Variants in ASCC3 observed in about 807,000 individuals in gnomAD.
The protein encoded by ASCC3 is ASC-1 complex subunit P200.
Under a neutral mutation model 256.3 loss-of-function variants are expected in ASCC3, and 158 were observed. The ratio of observed to expected loss-of-function variants is 0.62; its 90% CI spans 0.54 to 0.70. ASCC3 has a LOEUF of 0.70. ASCC3 is among the 30% of genes least tolerant of loss of function. The pLI is 0.00. For missense variants in ASCC3, 2,259 were observed against 2,626.0 expected (o/e 0.86, Z 3.05); for synonymous variants, 948 against 883.4 (o/e 1.07, Z -1.30).
intron 30 of ASCC3, among the ~76,000 whole-genome samples, chr6:100,620,363 C>T (rs551790129): frequency 6.6e-6 from 1 of 152,226 alleles, no homozygotes; most frequent in Admixed American, 6.5e-5. Context: ...TTTGGGGTTT[C>T]CTGATGCAGT....
At chr6:100,643,758 C>G (rs1775243980) in intron 23 of ASCC3, among the ~76,000 whole-genome samples, 1 of 152,008 alleles carries the variant, frequency 6.6e-6, no homozygotes, top group Non-Finnish European at 1.5e-5. Flanking sequence ...TATGGGACCA[C>G]TATTGTACTG....
intron 13 of ASCC3, among the ~76,000 whole-genome samples, chr6:100,691,879 T>A (rs1777865912): frequency 6.6e-6 from 1 of 151,682 alleles, no homozygotes; most frequent in African/African-American, 2.4e-5. Flanking sequence ...CTAGATAAAC[T>A]TGGGCAAGTT....
At chr6:100,610,375 A>G (rs1425168906) in intron 30 of ASCC3, among the ~76,000 whole-genome samples, 1 of 152,162 alleles carries the variant, frequency 6.6e-6, no homozygotes, top group Non-Finnish European at 1.5e-5. Context: ...AAATATCCAC[A>G]TAATGAAACA....
rs201585891 is a variant in ASCC3 at position 100,688,274 on chromosome 6, A to AC, written c.2152-8523_2152-8522insG. ...TTAAAGTGGTGGAGTTATTAAAAAA[A>AC]AAAAACAACAACAGGAACTCTTGAT... On this transcript the variant is annotated intron_variant, in intron 13 of 41. Coordinates refer to ENST00000369162, the MANE Select transcript of ASCC3 (RefSeq NM_006828.4). Among the ~76,000 whole-genome samples the AC allele has an allele frequency of 0.019, 1,953 of 105,398 alleles. 101 individuals carry two copies. The East Asian group carries it at 0.22, about 12-fold the overall frequency. 69.1% of individuals were successfully genotyped at this position (105,398 alleles called of 152,430 possible). A position where few individuals can be genotyped will look rare whatever the true frequency, so the allele number is the denominator to read the frequency against.
chr6:100,858,957 C>T, intron 3 of ASCC3: 1 of 634,902 alleles, frequency 1.6e-6, no homozygotes, highest in East Asian at 2.8e-5. Flanking sequence ...ACTCTCATAC[C>T]TTTTTAAATG....
At chr6:100,638,007 C>T (rs376935684) in intron 25 of ASCC3, among the ~76,000 whole-genome samples, 43 of 152,246 alleles carry the variant, frequency 2.8e-4, no homozygotes, top group Middle Eastern at 3.4e-3. Context: ...AGGGTTGACT[C>T]ATTTTGAAAG....
rs1582688407 is a variant in ASCC3, at chr6:100,682,237, T to C, written c.2152-2485A>G. Among the ~76,000 whole-genome samples, 3 of 152,226 alleles carry C rather than the reference T, an allele frequency of 2.0e-5. No individual in the cohort carries two copies. In the East Asian group the frequency reaches 5.8e-4, roughly 29 times the overall value. ...TGTAATTTATTTATTCATTCATTCA[T>C]TCATATGTTTCTAAACATGCATTAA... On this transcript the variant is annotated intron_variant, in intron 13 of 41. Transcript: ENST00000369162.
chr6:100,747,338 G>C (rs1420267372), intron 10 of ASCC3, among the ~76,000 whole-genome samples: 1 of 151,950 alleles, frequency 6.6e-6, no homozygotes, highest in African/African-American at 2.4e-5. Context: ...ATACAGTTCG[G>C]TAGTTTCTCA....
intron 4 of ASCC3, among the ~76,000 whole-genome samples, chr6:100,831,776 T>C (rs1216800439): frequency 6.6e-6 from 1 of 151,690 alleles, no homozygotes; most frequent in African/African-American, 2.4e-5. Flanking sequence ...CAATGAAACA[T>C]AAGAAAATAA....
At chr6:100,564,667 T>C (rs539753030) in intron 36 of ASCC3, among the ~76,000 whole-genome samples, 5 of 152,220 alleles carry the variant, frequency 3.3e-5, no homozygotes, top group South Asian at 2.1e-4. Flanking sequence ...TTAATTATCA[T>C]GGTTCCTCTT....
rs150094738 is a variant in ASCC3 at position 100,584,911 on chromosome 6, A to G, written c.5550+4723T>C. On this transcript the variant is annotated intron_variant, in intron 36 of 41. Coordinates refer to ENST00000369162, the MANE Select transcript of ASCC3 (RefSeq NM_006828.4). ...TTAAGAATGTTGAATATTGGCCCCCACTCTCTTCTAGCTTGTAGAGTTTCT... is the reference window on the plus strand; with the variant it reads ...TTAAGAATGTTGAATATTGGCCCCCGCTCTCTTCTAGCTTGTAGAGTTTCT... Among the ~76,000 whole-genome samples the G allele has an allele frequency of 4.9e-4, 74 of 151,296 alleles. 1 individual carries two copies. Among genetic ancestry groups the G allele is most frequent in the African/African-American group, 1.7e-3 (70 of 41,230 alleles).
intron 30 of ASCC3, among the ~76,000 whole-genome samples, chr6:100,613,188 T>C (rs1053442070): frequency 6.6e-6 from 1 of 151,832 alleles, no homozygotes; most frequent in Admixed American, 6.6e-5. Flanking sequence ...GCTTTTAGGG[T>C]ACCCATTACC....
At chr6:100,626,226 G>A (rs892087173) in intron 29 of ASCC3, among the ~76,000 whole-genome samples, 3 of 151,826 alleles carry the variant, frequency 2.0e-5, no homozygotes, top group African/African-American at 4.8e-5. Context: ...ATATATTTAG[G>A]TCTACACAAC....
In ASCC3 at chr6:100,642,699, C is replaced by T. The variant is rs1220293067; in HGVS notation, c.3783G>A (p.Glu1261=). The change falls in exon 24 of 42, where the codon GAG becomes GAA. Residue 1261 remains glutamate (E), a synonymous_variant. Transcript: ENST00000369162. ...GGATGTAGTATTGGGAAGGCAAAGG[C>T]TCAAAAATAGGGATTGTAAATACCA... ...QLLVFTIPIF[E]PLPSQYYIRA... is the part of the protein sequence containing the mutation. The T allele has an allele frequency of 1.2e-6, 2 of 1,613,720 alleles. No individual in the cohort carries two copies. Among genetic ancestry groups the T allele is most frequent in the South Asian group, 1.1e-5 (1 of 91,074 alleles).
rs1774342554 is a variant in ASCC3, at chr6:100,628,131, A to G, written c.4376-144T>C. On this transcript the variant is annotated intron_variant, in intron 27 of 41. Transcript: ENST00000369162. ...AAAAAAAGCTAAAGCTAGAACTACC[A>G]AAGGATTCTGCAATCCTACTCCCAG... is the stretch of plus-strand genomic sequence containing the variant. 3 of 907,136 alleles carry G rather than the reference A, an allele frequency of 3.3e-6. No homozygotes were observed. The South Asian group carries it at 5.0e-5, about 15-fold the overall frequency. The allele number at this position is 907,136 out of a possible 1,614,324, so 56.2% of individuals were successfully genotyped here.
rs139725027 is a variant in ASCC3 at position 100,828,450 on chromosome 6, G to A, written c.801+19698C>T. 2.6e-4 allele frequency among the ~76,000 whole-genome samples: 39 copies of A among 152,282 alleles called. 1 individual carries two copies. In the East Asian group the frequency reaches 7.2e-3, roughly 28 times the overall value. ...AACCCTATATATACTATTGTGTCCG[G>A]AATTGGTGGGTTCTTGGTCTCACTG... On this transcript the variant is annotated intron_variant, in intron 4 of 41. Transcript: ENST00000369162.
chr6:100,606,510 T>A (rs533370175), intron 32 of ASCC3, among the ~76,000 whole-genome samples: 2 of 152,254 alleles, frequency 1.3e-5, no homozygotes, highest in East Asian at 1.9e-4. Context: ...AACAAGTACT[T>A]TAAGCCACTT....
intron 24 of ASCC3, among the ~76,000 whole-genome samples, chr6:100,640,219 G>A (rs1429048545): frequency 2.0e-5 from 3 of 151,888 alleles, no homozygotes; most frequent in Non-Finnish European, 4.4e-5. Flanking sequence ...TTCTTAAAAA[G>A]ACTAAAAAAT....
chr6:100,717,583 A>G (rs1779140139), intron 12 of ASCC3, among the ~76,000 whole-genome samples: 1 of 151,982 alleles, frequency 6.6e-6, no homozygotes, highest in African/African-American at 2.4e-5. Flanking sequence ...TGCCATTTAT[A>G]TATATAATAA....
Sources: gnomAD v4.1 joint callset for allele counts (sites outside exome capture counted in the v4.1 genomes callset) on GRCh38, gnomAD v4.1.1 for gene constraint, MANE v1.5 for transcripts, NCBI Gene and HGNC (gene_info 2026-07-23, HGNC 2026-07-21) for gene names.